FAM171B: variants seen among roughly 807,000 people sequenced by gnomAD.
FAM171B encodes the protein family with sequence similarity 171 member B, also known as protein FAM171B.
A neutral mutation model predicts 75.6 loss-of-function variants in FAM171B; 19 were observed. That is an observed-to-expected ratio of 0.25 (90% CI 0.18 to 0.37). FAM171B has a LOEUF of 0.37. Among genes scored for constraint, FAM171B ranks in the 10% least tolerant of loss-of-function variants. The pLI is 1.00. For missense variants in FAM171B, 848 were observed against 982.4 expected (o/e 0.86, Z 1.83); for synonymous variants, 367 against 361.7 (o/e 1.01, Z -0.17).
At chr2:186,726,053 T>C (rs1221673599) in intron 1 of FAM171B, among the ~76,000 whole-genome samples, 1 of 152,226 alleles carries the variant, frequency 6.6e-6, no homozygotes. Context: ...TTGTAAAGGC[T>C]CTTTTTATGT....
intron 1 of FAM171B, among the ~76,000 whole-genome samples, chr2:186,704,828 G>A (rs1689712314): frequency 6.6e-6 from 1 of 152,320 alleles, no homozygotes; most frequent in East Asian, 1.9e-4. Flanking sequence ...AAAGATGTTG[G>A]AAGTGAAGAT....
At chr2:186,751,082 T>C in intron 4 of FAM171B, 52 bp from the exon 5 acceptor site, 1 of 1,385,454 alleles carries the variant, frequency 7.2e-7, no homozygotes, top group South Asian at 1.6e-5. Context: ...AATAATTAGG[T>C]AACTACCACC....
intron 1 of FAM171B, among the ~76,000 whole-genome samples, chr2:186,724,489 T>A (rs1014016118): frequency 1.3e-5 from 2 of 152,174 alleles, no homozygotes; most frequent in African/African-American, 2.4e-5. Context: ...AGAAATATGT[T>A]TTTCGTGTTG....
chr2:186,717,706 C>T (rs1222280409), intron 1 of FAM171B, among the ~76,000 whole-genome samples: 1 of 152,064 alleles, frequency 6.6e-6, no homozygotes, highest in Non-Finnish European at 1.5e-5. Context: ...CTTCTGCTTG[C>T]TAAGGTGAAG....
chr2:186,755,579 T>A (rs942741298), intron 6 of FAM171B, among the ~76,000 whole-genome samples: 1 of 152,238 alleles, frequency 6.6e-6, no homozygotes, highest in African/African-American at 2.4e-5. Flanking sequence ...CATATGTTTA[T>A]CTGCAGCATT....
At chr2:186,739,546 C>T (rs1374754435) in intron 1 of FAM171B, among the ~76,000 whole-genome samples, 2 of 151,730 alleles carry the variant, frequency 1.3e-5, no homozygotes, top group African/African-American at 4.8e-5. Flanking sequence ...AAACATTAGC[C>T]CAGGCCTACA....
chr2:186,744,852 A>G (rs1012507694), intron 3 of FAM171B, among the ~76,000 whole-genome samples: 2 of 128,752 alleles, frequency 1.6e-5, no homozygotes, highest in Admixed American at 8.3e-5. Context: ...TTTTTTTGAG[A>G]CAGTGTCTGG....
chr2:186,720,513 T>A (rs930913697), intron 1 of FAM171B, among the ~76,000 whole-genome samples: 1 of 152,192 alleles, frequency 6.6e-6, no homozygotes, highest in Non-Finnish European at 1.5e-5. Flanking sequence ...ACCGTGCTTA[T>A]ACAAATGTAG....
chr2:186,752,520 G>A (rs1425056451), intron 5 of FAM171B, among the ~76,000 whole-genome samples: 1 of 152,112 alleles, frequency 6.6e-6, no homozygotes, highest in Non-Finnish European at 1.5e-5. Context: ...CTTGGAATAA[G>A]TCATTTAACT....
chr2:186,725,358 A>AG lies in FAM171B; in HGVS notation c.239-14869dup, dbSNP rs1553510308. On this transcript the variant is annotated intron_variant, in intron 1 of 7. Transcript: ENST00000304698. ...GACTCTGTCTCAAAAAAAAAAAAAA[A>AG]GAATTTTACTTTCTCTGTCTTCTTT... is the stretch of plus-strand genomic sequence containing the variant. Among the ~76,000 whole-genome samples the AG allele has an allele frequency of 8.1e-3, 1,225 of 151,624 alleles. 22 individuals are homozygous for AG. The highest frequency in any genetic ancestry group is 0.028 in the African/African-American group (1,175 of 41,318).
intron 1 of FAM171B, among the ~76,000 whole-genome samples, chr2:186,714,199 C>T (rs1689845994): frequency 6.6e-6 from 1 of 151,646 alleles, no homozygotes; most frequent in African/African-American, 2.4e-5. Context: ...CACTCCACAA[C>T]AGAGAAGGGC....
intron 1 of FAM171B, among the ~76,000 whole-genome samples, chr2:186,708,620 G>A (rs940947317): frequency 3.0e-4 from 45 of 152,266 alleles, no homozygotes; most frequent in African/African-American, 1.0e-3. Flanking sequence ...AAATTATGTA[G>A]AAAGGAAGAA....
chr2:186,707,535 T>C (rs1689748817), intron 1 of FAM171B, among the ~76,000 whole-genome samples: 1 of 152,154 alleles, frequency 6.6e-6, no homozygotes, highest in African/African-American at 2.4e-5. Flanking sequence ...CTGATTACTA[T>C]GCTGATTATT....
At chr2:186,753,416 G>T (rs563872453) in intron 5 of FAM171B, among the ~76,000 whole-genome samples, 1 of 152,246 alleles carries the variant, frequency 6.6e-6, no homozygotes, top group Admixed American at 6.5e-5. Context: ...TTAATATCAA[G>T]AAATGTGAAA....
At chr2:186,699,490 A>G (rs1299089634) in intron 1 of FAM171B, among the ~76,000 whole-genome samples, 3 of 151,986 alleles carry the variant, frequency 2.0e-5, no homozygotes, top group Admixed American at 6.6e-5. Flanking sequence ...TTTTTTGCCT[A>G]TTGAATTGTT....
At chr2:186,733,093 A>T (rs929361319) in intron 1 of FAM171B, among the ~76,000 whole-genome samples, 1 of 152,158 alleles carries the variant, frequency 6.6e-6, no homozygotes, top group Non-Finnish European at 1.5e-5. Context: ...ACCGACTGTA[A>T]CAGTGCGTGT....
intron 2 of FAM171B, 71 bp downstream of exon 2, chr2:186,740,532 G>T: frequency 6.2e-6 from 8 of 1,299,868 alleles, no homozygotes; most frequent in Non-Finnish European, 8.6e-6. Context: ...CTGTTTGGGG[G>T]ATATCTTGTT....
At chr2:186,710,936 T>G (rs1689802422) in intron 1 of FAM171B, among the ~76,000 whole-genome samples, 1 of 152,076 alleles carries the variant, frequency 6.6e-6, no homozygotes, top group South Asian at 2.1e-4. Flanking sequence ...GAAGCTTACT[T>G]ATATACACAG....
At chr2:186,736,162 T>C (rs1247260065) in intron 1 of FAM171B, among the ~76,000 whole-genome samples, 2 of 152,208 alleles carry the variant, frequency 1.3e-5, no homozygotes, top group African/African-American at 2.4e-5. Flanking sequence ...TTCTCTTTGC[T>C]TTTCTCAATC....
Sources: gnomAD v4.1 joint callset for allele counts (sites outside exome capture counted in the v4.1 genomes callset) on GRCh38, gnomAD v4.1.1 for gene constraint, MANE v1.5 for transcripts, NCBI Gene and HGNC (gene_info 2026-07-23, HGNC 2026-07-21) for gene names.